ADARB2: variants seen among roughly 807,000 people sequenced by gnomAD.
ADARB2 encodes the protein adenosine deaminase RNA specific B2 (inactive).
ADARB2 carries 25 observed loss-of-function variants against 62.2 expected under a neutral mutation model. The observed-to-expected ratio is 0.40, with a 90% confidence interval of 0.29 to 0.56. The LOEUF is 0.56. Ranked by LOEUF, ADARB2 falls within the 20% of genes least tolerant of loss-of-function variation. The probability of loss-of-function intolerance (pLI) is 0.43; values close to 1 mark genes in which losing one functional copy is unlikely to be tolerated. For missense variants in ADARB2, 1,071 were observed against 1,077.4 expected (o/e 0.99, Z 0.08); for synonymous variants, 572 against 500.8 (o/e 1.14, Z -1.90).
At chr10:1,221,435 A>G (rs1432088152) in intron 6 of ADARB2, among the ~76,000 whole-genome samples, 1 of 150,512 alleles carries the variant, frequency 6.6e-6, no homozygotes, top group African/African-American at 2.4e-5. Context: ...TTATTATTAT[A>G]CTTTAAGTTT....
intron 6 of ADARB2, among the ~76,000 whole-genome samples, chr10:1,230,455 C>T (rs1830793945): frequency 6.6e-6 from 1 of 152,238 alleles, no homozygotes. Flanking sequence ...AGCCTGGCCA[C>T]TGGCATCCCC....
In ADARB2 at chr10:1,667,584, A is replaced by G. The variant is rs1834329856; in HGVS notation, c.100+69467T>C. Among the ~76,000 whole-genome samples, 4 of 152,346 alleles carry G rather than the reference A, an allele frequency of 2.6e-5. No homozygotes were observed. The South Asian group carries it at 8.3e-4, about 32-fold the overall frequency. On this transcript the variant is annotated intron_variant, in intron 1 of 9. Transcript: ENST00000381312. ...GGAACTGAGAGGTCCTTGTTTTCAC[A>G]GCTGAATATTCAAAGGGGTGTTTAC...
At chr10:1,383,636 T>C (rs1346194181) in intron 1 of ADARB2, among the ~76,000 whole-genome samples, 1 of 152,236 alleles carries the variant, frequency 6.6e-6, no homozygotes, top group Non-Finnish European at 1.5e-5. Flanking sequence ...TAACTGCACA[T>C]ACTGAGGATA....
chr10:1,192,582 C>T (rs1433943864), intron 8 of ADARB2, among the ~76,000 whole-genome samples: 1 of 152,208 alleles, frequency 6.6e-6, no homozygotes, highest in Non-Finnish European at 1.5e-5. Context: ...ATAAAAAGTA[C>T]TATGGAGGCT....
intron 1 of ADARB2, among the ~76,000 whole-genome samples, chr10:1,443,582 C>A (rs1406995594): frequency 1.3e-5 from 2 of 152,110 alleles, no homozygotes; most frequent in Admixed American, 1.3e-4. Flanking sequence ...AAAAATTCAA[C>A]ACCTTTCTAG....
intron 1 of ADARB2, among the ~76,000 whole-genome samples, chr10:1,520,387 G>A (rs1227361190): frequency 6.6e-6 from 1 of 152,182 alleles, no homozygotes; most frequent in African/African-American, 2.4e-5. Flanking sequence ...GTGGGGTTAT[G>A]AGTGACTTTT....
intron 4 of ADARB2, among the ~76,000 whole-genome samples, chr10:1,266,514 G>A (rs1279223003): frequency 1.3e-5 from 2 of 150,470 alleles, no homozygotes; most frequent in African/African-American, 2.5e-5. Context: ...TGGGGGGTGG[G>A]GGGGGGGCCG....
intron 1 of ADARB2, 146 bp downstream of exon 1, chr10:1,736,905 C>T (rs1835309009): frequency 1.3e-6 from 1 of 748,532 alleles, no homozygotes; most frequent in Admixed American, 2.3e-5. Context: ...TCTGAACTCC[C>T]GAGCGCCCTG....
chr10:1,211,867 AC>A (rs1837157378), intron 7 of ADARB2, among the ~76,000 whole-genome samples: 2 of 152,188 alleles, frequency 1.3e-5, no homozygotes. Flanking sequence ...AGTACCTGTT[AC>A]CTTTGTTTTA....
intron 1 of ADARB2, among the ~76,000 whole-genome samples, chr10:1,413,816 C>T (rs1220465838): frequency 4.6e-5 from 7 of 152,176 alleles, no homozygotes; most frequent in African/African-American, 1.7e-4. Context: ...TTAGTAAAAA[C>T]CGATTTGTAA....
intron 3 of ADARB2, among the ~76,000 whole-genome samples, chr10:1,294,835 C>T (rs1423816482): frequency 2.0e-5 from 3 of 152,222 alleles, no homozygotes; most frequent in African/African-American, 7.2e-5. Context: ...AGTGGTGGCT[C>T]TCAGCCCTGC....
intron 3 of ADARB2, among the ~76,000 whole-genome samples, chr10:1,277,348 A>G (rs946383144): frequency 1.3e-5 from 2 of 152,238 alleles, no homozygotes; most frequent in African/African-American, 4.8e-5. Flanking sequence ...AACAAAATTG[A>G]TAGACCGCTA....
chr10:1,341,882 G>A (rs1832033134), intron 3 of ADARB2, among the ~76,000 whole-genome samples: 1 of 152,258 alleles, frequency 6.6e-6, no homozygotes, highest in Non-Finnish European at 1.5e-5. Flanking sequence ...GCATCCACCA[G>A]AGAACAAAGT....
chr10:1,335,404 CG>C (rs1262563171), intron 3 of ADARB2, among the ~76,000 whole-genome samples: 1 of 132,314 alleles, frequency 7.6e-6, no homozygotes, highest in African/African-American at 2.9e-5. Context: ...GGGTGGATGA[CG>C]GAAGGGATGG....
chr10:1,660,127 TC>T (rs1834226131), intron 1 of ADARB2, among the ~76,000 whole-genome samples: 1 of 152,220 alleles, frequency 6.6e-6, no homozygotes, highest in African/African-American at 2.4e-5. Flanking sequence ...TCCTCCAGTA[TC>T]CTGTGTCCAC....
intron 1 of ADARB2, among the ~76,000 whole-genome samples, chr10:1,617,816 G>A (rs1833662217): frequency 6.6e-6 from 1 of 152,258 alleles, no homozygotes; most frequent in African/African-American, 2.4e-5. Flanking sequence ...TGGCCTCAGA[G>A]GGTTTTGCAT....
At chr10:1,706,640 G>A (rs1220708722) in intron 1 of ADARB2, among the ~76,000 whole-genome samples, 1 of 152,214 alleles carries the variant, frequency 6.6e-6, no homozygotes, top group Non-Finnish European at 1.5e-5. Flanking sequence ...GCCTGGCGCT[G>A]GACTAGAATC....
At chr10:1,461,223 G>A (rs1378418402) in intron 1 of ADARB2, among the ~76,000 whole-genome samples, 9 of 152,114 alleles carry the variant, frequency 5.9e-5, no homozygotes, top group Non-Finnish European at 1.2e-4. Flanking sequence ...GCCCCAGACC[G>A]AATTATTTCT....
At chr10:1,335,918 T>C (rs989366803) in intron 3 of ADARB2, among the ~76,000 whole-genome samples, 1 of 152,230 alleles carries the variant, frequency 6.6e-6, no homozygotes, top group African/African-American at 2.4e-5. Flanking sequence ...TGGAATTGAA[T>C]AGTGCTAAAT....
Sources: gnomAD v4.1 joint callset for allele counts (sites outside exome capture counted in the v4.1 genomes callset) on GRCh38, gnomAD v4.1.1 for gene constraint, MANE v1.5 for transcripts, NCBI Gene and HGNC (gene_info 2026-07-23, HGNC 2026-07-21) for gene names.